The following CELF2 variants were observed in gnomAD, a reference collection of about 807,000 sequenced individuals.
The protein encoded by CELF2 is CUG triplet repeat RNA-binding protein 2.
Under a neutral mutation model 62.6 loss-of-function variants are expected in CELF2, and 8 were observed. That is an observed-to-expected ratio of 0.13 (90% confidence interval 0.07 to 0.23). The LOEUF (loss-of-function observed/expected upper bound fraction) is 0.23. Ranked by LOEUF, CELF2 falls within the 10% of genes least tolerant of loss-of-function variation. CELF2 has a pLI of 1.00. For missense variants in CELF2, 333 were observed against 671.0 expected (o/e 0.50, Z 5.56); for synonymous variants, 258 against 250.0 (o/e 1.03, Z -0.30).
At chr10:11,287,400 TAAAC>T (rs1212375385) in intron 8 of CELF2, among the ~76,000 whole-genome samples, 4 of 152,204 alleles carry the variant, frequency 2.6e-5, no homozygotes, top group African/African-American at 7.2e-5. Context: ...AAAAGATAGT[TAAAC>T]TAACTATCCG....
At position 11,018,040 on chromosome 10, in the gene CELF2, G is replaced by T. The variant is rs760518819; in HGVS notation, c.-50G>T. The T allele has an allele frequency of 1.6e-6, 2 of 1,261,002 alleles. No homozygotes were observed. Among genetic ancestry groups the T allele is most frequent in the African/African-American group, 1.6e-5 (1 of 62,592 alleles). 78.1% of individuals were successfully genotyped at this position (1,261,002 alleles called of 1,614,324 possible). ...GTCTCGCGCCGCCCGCGGCCGCTCG[G>T]ACGCGCGCAGAGCCGCCCCCCGCCG... On this transcript the variant is annotated 5_prime_UTR_variant, in exon 1 of 13. Transcript: ENST00000633077.
the CELF2 span, among the ~76,000 whole-genome samples, chr10:10,775,092 G>T: frequency 6.6e-6 from 1 of 152,032 alleles, no homozygotes; most frequent in African/African-American, 2.4e-5. Flanking sequence ...GGCTAGGCTG[G>T]TCTTGGCCTC....
In CELF2 at chr10:11,332,395, T is replaced by TGGAGTTA. The variant is rs2096044155; in HGVS notation, c.*3344_*3350dup. The TGGAGTTA allele has an allele frequency of 6.6e-6, 1 of 152,436 alleles. No individual in the cohort carries two copies. Among genetic ancestry groups the TGGAGTTA allele is most frequent in the Non-Finnish European group, 1.5e-5 (1 of 68,044 alleles). 9.4% of individuals were successfully genotyped at this position (152,436 alleles called of 1,614,324 possible). On this transcript the variant is annotated 3_prime_UTR_variant, in exon 13 of 13. Coordinates refer to ENST00000633077, the MANE Select transcript of CELF2 (RefSeq NM_001326342.2). ...GGTACCTCTGAATATACCAGGTGTC[T>TGGAGTTA]GGAGTTAGAAGCCCATAGCCCTTTC...
At chr10:11,167,662 T>C (rs1339963973) in intron 2 of CELF2, among the ~76,000 whole-genome samples, 1 of 152,244 alleles carries the variant, frequency 6.6e-6, no homozygotes, top group Non-Finnish European at 1.5e-5. Flanking sequence ...ATACATTTTG[T>C]TAACTTCTGT....
intron 1 of CELF2, among the ~76,000 whole-genome samples, chr10:11,124,698 A>G (rs1193883155): frequency 2.6e-5 from 4 of 152,202 alleles, no homozygotes; most frequent in African/African-American, 9.6e-5. Context: ...TTCTAAGCGT[A>G]CAAGGTACAC....
At chr10:10,604,841 T>G in the CELF2 span, among the ~76,000 whole-genome samples, 1 of 152,366 alleles carries the variant, frequency 6.6e-6, no homozygotes, top group South Asian at 2.1e-4. Context: ...GTATATTCCA[T>G]CTCACCATTT....
At chr10:10,538,372 T>G in the CELF2 span, among the ~76,000 whole-genome samples, 3 of 152,302 alleles carry the variant, frequency 2.0e-5, no homozygotes, top group South Asian at 4.1e-4. Context: ...CAGAGAGAGA[T>G]GCAGAAGGGT....
Position 11,262,940 on chromosome 10 carries a change from CTTTTTTTTTT to C in CELF2, c.539-3640_539-3631del, listed in dbSNP as rs553831640. Among the ~76,000 whole-genome samples the C allele has an allele frequency of 4.3e-3, 226 of 52,764 alleles. 10 individuals carry two copies. Among genetic ancestry groups the C allele is most frequent in the African/African-American group, 0.014 (203 of 14,464 alleles). 34.6% of individuals were successfully genotyped at this position (52,764 alleles called of 152,430 possible). A position where few individuals can be genotyped will look rare whatever the true frequency, so the allele number is the denominator to read the frequency against. On this transcript the variant is annotated intron_variant, in intron 5 of 12. Coordinates refer to ENST00000633077, the MANE Select transcript of CELF2 (RefSeq NM_001326342.2). ...GTTCATGCTTTTAAAAGTGGCTTTA[CTTTTTTTTTT>C]TTTTTTTTTTTTTTTTTGGTGCAGA...
chr10:11,224,657 G>T lies in CELF2; in HGVS notation c.354+7150G>T, dbSNP rs576972655. ...AAATTGTCCAAATTCTGTCATTAGC[G>T]TATAGGGTTTCCATGAGAACTCATC... is the stretch of plus-strand genomic sequence containing the variant. On this transcript the variant is annotated intron_variant, in intron 3 of 12. Coordinates refer to ENST00000633077, the MANE Select transcript of CELF2 (RefSeq NM_001326342.2). The surrounding 1 kb of genome is among the most constrained non-coding windows in gnomAD (Gnocchi z 4.5). Among the ~76,000 whole-genome samples the T allele has an allele frequency of 6.6e-6, 1 of 152,280 alleles. No individual in the cohort carries two copies. The highest frequency in any genetic ancestry group is 2.1e-4 in the South Asian group (1 of 4,822).
At chr10:11,131,996 G>A (rs1750724) in intron 1 of CELF2, among the ~76,000 whole-genome samples, 6 of 152,072 alleles carry the variant, frequency 3.9e-5, no homozygotes, top group Non-Finnish European at 5.9e-5. Context: ...CAATAAAACC[G>A]TAATTTTATA....
chr10:10,955,313 C>T (rs1372165341), intron 2 of CELF2, among the ~76,000 whole-genome samples: 3 of 152,230 alleles, frequency 2.0e-5, no homozygotes, highest in Non-Finnish European at 4.4e-5. Context: ...GAGTATGCCT[C>T]GCCTGCCTTT....
At chr10:10,543,893 C>T in the CELF2 span, among the ~76,000 whole-genome samples, 1 of 152,188 alleles carries the variant, frequency 6.6e-6, no homozygotes. Context: ...CAGCGCTAAG[C>T]ATGCAGTGAG....
chr10:10,975,578 G>A (rs1403911585), intron 2 of CELF2, among the ~76,000 whole-genome samples: 1 of 152,182 alleles, frequency 6.6e-6, no homozygotes, highest in Non-Finnish European at 1.5e-5. Context: ...CTAATTCATG[G>A]AGATCTTAGT....
the CELF2 span, among the ~76,000 whole-genome samples, chr10:10,503,368 C>G: frequency 1.3e-5 from 2 of 151,844 alleles, no homozygotes; most frequent in Non-Finnish European, 3.0e-5. Context: ...TACTATTTTT[C>G]AGTTCTAATT....
the CELF2 span, among the ~76,000 whole-genome samples, chr10:10,605,282 T>C: frequency 3.3e-5 from 5 of 151,220 alleles, no homozygotes; most frequent in African/African-American, 1.2e-4. Context: ...GGGGTGGGGT[T>C]CGGGGAGGGA....
the CELF2 span, among the ~76,000 whole-genome samples, chr10:10,727,649 A>G: frequency 2.0e-5 from 3 of 151,832 alleles, no homozygotes; most frequent in African/African-American, 7.3e-5. Context: ...GCTGGCGGGC[A>G]CCTGTAGTCC....
At chr10:11,294,983 A>C (rs1378817710) in intron 9 of CELF2, among the ~76,000 whole-genome samples, 1 of 76,360 alleles carries the variant, frequency 1.3e-5, no homozygotes, top group Non-Finnish European at 4.2e-5. Flanking sequence ...CTGACAGTCA[A>C]ACTTGTTTAC....
chr10:11,076,554 A>G (rs1156878474), intron 1 of CELF2, among the ~76,000 whole-genome samples: 1 of 152,198 alleles, frequency 6.6e-6, no homozygotes, highest in Non-Finnish European at 1.5e-5. Flanking sequence ...TACAGCTCAG[A>G]ATTAAGTACT....
chr10:10,880,261 T>C (rs2133641626), intron 1 of CELF2, among the ~76,000 whole-genome samples: 1 of 152,266 alleles, frequency 6.6e-6, no homozygotes, highest in African/African-American at 2.4e-5. Flanking sequence ...ACATGAAATT[T>C]GGGCTTGGGA....
Sources: allele counts gnomAD v4.1 joint callset (sites outside exome capture counted in the v4.1 genomes callset), GRCh38; gene constraint gnomAD v4.1.1; non-coding constraint Gnocchi (gnomAD v3.1); transcripts MANE v1.5; gene names NCBI Gene and HGNC (gene_info 2026-07-23, HGNC 2026-07-21).